WRN: variants seen among roughly 807,000 people sequenced by gnomAD.
The protein encoded by WRN is bifunctional 3'-5' exonuclease/ATP-dependent helicase WRN.
A neutral mutation model predicts 180.7 loss-of-function variants in WRN; 149 were observed. That is an observed-to-expected ratio of 0.82 (90% CI 0.72 to 0.94). The LOEUF (loss-of-function observed/expected upper bound fraction) is 0.94, where lower values mean the gene tolerates loss of function less well. WRN is among the 40% of genes least tolerant of loss of function. The pLI is 0.00. For missense variants in WRN, 1,661 were observed against 1,700.1 expected (o/e 0.98, Z 0.40); for synonymous variants, 548 against 568.9 (o/e 0.96, Z 0.52).
intron 1 of WRN, among the ~76,000 whole-genome samples, chr8:31,054,279 G>A (rs1812182471): frequency 6.6e-6 from 1 of 152,156 alleles, no homozygotes; most frequent in Admixed American, 6.5e-5. Context: ...AGTAACTGAT[G>A]AAAGTAAGGT....
At chr8:31,082,389 T>C (rs909285438) in intron 9 of WRN, among the ~76,000 whole-genome samples, 7 of 152,218 alleles carry the variant, frequency 4.6e-5, no homozygotes, top group African/African-American at 1.7e-4. Context: ...TAACTATTAG[T>C]AATCACTTTT....
intron 18 of WRN, among the ~76,000 whole-genome samples, chr8:31,109,110 C>T (rs561562944): frequency 2.6e-5 from 4 of 152,218 alleles, no homozygotes; most frequent in South Asian, 4.1e-4. Flanking sequence ...TCGGCAGTAC[C>T]GCCCCCAGAA....
At chr8:31,135,010 C>T (rs1802344591) in intron 24 of WRN, among the ~76,000 whole-genome samples, 1 of 151,056 alleles carries the variant, frequency 6.6e-6, no homozygotes, top group East Asian at 2.0e-4. Context: ...CCCCCGTCCT[C>T]CCCCAAGCCC....
intron 1 of WRN, among the ~76,000 whole-genome samples, chr8:31,035,271 G>A (rs1367964832): frequency 6.6e-6 from 1 of 152,152 alleles, no homozygotes; most frequent in African/African-American, 2.4e-5. Context: ...GGGGGATGAA[G>A]AGTGTGTGTG....
intron 24 of WRN, among the ~76,000 whole-genome samples, chr8:31,134,921 T>TA (rs1258168893): frequency 2.6e-5 from 4 of 152,188 alleles, no homozygotes; most frequent in African/African-American, 7.2e-5. Context: ...GCACATAGAA[T>TA]TATAGTTCAC....
At chr8:31,166,846 G>A (rs1585549460) in intron 33 of WRN, among the ~76,000 whole-genome samples, 176 bp from the exon 34 acceptor site, 1 of 152,098 alleles carries the variant, frequency 6.6e-6, no homozygotes, top group Admixed American at 6.6e-5. Flanking sequence ...TGATACCCGA[G>A]TGGAGTTTTT....
chr8:31,114,897 T>A lies in WRN; in HGVS notation c.2274-1457T>A, dbSNP rs892199833. Among the ~76,000 whole-genome samples, 109 of 149,252 alleles carry A rather than the reference T, an allele frequency of 7.3e-4. 2 individuals carry two copies. The highest frequency in any genetic ancestry group is 9.7e-4 in the East Asian group (5 of 5,140). On this transcript the variant is annotated intron_variant, in intron 19 of 34. Coordinates refer to ENST00000298139, the MANE Select transcript of WRN (RefSeq NM_000553.6). ...GAAAACATGTTTTTAAAATAAGGTT[T>A]TTTTTTTTTTTTTTTTGACATGGAG...
intron 15 of WRN, among the ~76,000 whole-genome samples, chr8:31,091,591 C>T (rs1813748008): frequency 6.6e-6 from 1 of 151,988 alleles, no homozygotes; most frequent in Admixed American, 6.6e-5. Flanking sequence ...TATTCCTTTA[C>T]CCCCTGTCAT....
intron 1 of WRN, among the ~76,000 whole-genome samples, chr8:31,052,498 G>A (rs1666955295): frequency 6.6e-6 from 1 of 151,774 alleles, no homozygotes; most frequent in Non-Finnish European, 1.5e-5. Flanking sequence ...AGTGATTCTT[G>A]TGCCTCAGCC....
At chr8:31,103,499 A>G (rs1219680893) in intron 18 of WRN, among the ~76,000 whole-genome samples, 1 of 152,122 alleles carries the variant, frequency 6.6e-6, no homozygotes, top group Non-Finnish European at 1.5e-5. Context: ...TTATAATCTT[A>G]TGGGACCACT....
chr8:31,154,877 A>C, intron 32 of WRN, 122 bp downstream of exon 32: 39 of 1,237,466 alleles, frequency 3.2e-5, no homozygotes, highest in Non-Finnish European at 4.1e-5. Flanking sequence ...AATAAATCTC[A>C]GTTTATCTTT....
chr8:31,124,772 G>A (rs1257090037), intron 22 of WRN, 136 bp from the exon 23 acceptor site: 1 of 1,195,668 alleles, frequency 8.4e-7, no homozygotes, highest in Non-Finnish European at 1.2e-6. Context: ...ACTTCTTTGT[G>A]TCTGAGTAAA....
chr8:31,070,053 T>G (rs1017941980), intron 7 of WRN, among the ~76,000 whole-genome samples: 3 of 151,984 alleles, frequency 2.0e-5, no homozygotes, highest in African/African-American at 7.2e-5. Context: ...TTTTTTCCCC[T>G]TTATTACATT....
intron 20 of WRN, among the ~76,000 whole-genome samples, chr8:31,118,817 A>G (rs1449941731): frequency 6.6e-6 from 1 of 151,890 alleles, no homozygotes; most frequent in Non-Finnish European, 1.5e-5. Flanking sequence ...CACTTTTATT[A>G]GTTTCGTATC....
At chr8:31,076,629 T>C (rs1014422583) in intron 8 of WRN, among the ~76,000 whole-genome samples, 1 of 152,196 alleles carries the variant, frequency 6.6e-6, no homozygotes, top group Non-Finnish European at 1.5e-5. Flanking sequence ...TTCAAAGTTG[T>C]CATTTTCTTT....
At chr8:31,103,192 A>G (rs1800948197) in intron 18 of WRN, among the ~76,000 whole-genome samples, 1 of 152,138 alleles carries the variant, frequency 6.6e-6, no homozygotes, top group Non-Finnish European at 1.5e-5. Context: ...TCTCCTAGAT[A>G]CCTCCTGAAG....
chr8:31,122,410 C>T (rs1164123992), intron 21 of WRN, among the ~76,000 whole-genome samples: 1 of 151,986 alleles, frequency 6.6e-6, no homozygotes, highest in Non-Finnish European at 1.5e-5. Context: ...ATAATTCTAT[C>T]ACTGAGAGAA....
At chr8:31,108,322 A>G (rs1358540110) in intron 18 of WRN, among the ~76,000 whole-genome samples, 1 of 152,114 alleles carries the variant, frequency 6.6e-6, no homozygotes, top group Non-Finnish European at 1.5e-5. Context: ...ATGAGGATGT[A>G]TTGTCACCTT....
At chr8:31,159,215 G>C (rs1335268605) in intron 33 of WRN, among the ~76,000 whole-genome samples, 1 of 151,980 alleles carries the variant, frequency 6.6e-6, no homozygotes, top group Non-Finnish European at 1.5e-5. Flanking sequence ...CAGGAGGAGT[G>C]CTTGAGCTCA....
Sources: gnomAD v4.1 joint callset for allele counts (sites outside exome capture counted in the v4.1 genomes callset) on GRCh38, gnomAD v4.1.1 for gene constraint, MANE v1.5 for transcripts, NCBI Gene and HGNC (gene_info 2026-07-23, HGNC 2026-07-21) for gene names.